Variants in HS6ST3 observed in about 807,000 individuals in gnomAD.
HS6ST3 encodes the protein heparan-sulfate 6-O-sulfotransferase 3.
A neutral mutation model predicts 36.7 loss-of-function variants in HS6ST3; 12 were observed. The observed-to-expected ratio is 0.33, with a 90% confidence interval of 0.21 to 0.53. HS6ST3 has a LOEUF of 0.53. Among genes scored for constraint, HS6ST3 ranks in the 20% least tolerant of loss-of-function variants. The pLI, the probability that HS6ST3 is intolerant of heterozygous loss-of-function variation, is 0.95. For synonymous variants in HS6ST3, 240 were observed against 257.5 expected, an observed-to-expected ratio of 0.93 and a Z score of 0.65; for missense variants, 584 against 640.9, an observed-to-expected ratio of 0.91 and a Z score of 0.96.
At chr13:96,638,766 C>T (rs2056558689) in intron 1 of HS6ST3, among the ~76,000 whole-genome samples, 1 of 151,816 alleles carries the variant, frequency 6.6e-6, no homozygotes. Context: ...AAATAAATTA[C>T]CCAGTCTTGG....
At position 96,210,928 on chromosome 13, in the gene HS6ST3, A is replaced by G. The variant is rs1264231372; in HGVS notation, c.707+119359A>G. Among the ~76,000 whole-genome samples, 4 of 144,016 alleles carry G rather than the reference A, an allele frequency of 2.8e-5. No individual in the cohort carries two copies. The South Asian group carries it at 6.7e-4, about 24-fold the overall frequency. 94.5% of individuals were successfully genotyped at this position (144,016 alleles called of 152,430 possible). A position where few individuals can be genotyped will look rare whatever the true frequency, so the allele number is the denominator to read the frequency against. Reference sequence around the variant, plus strand: ...ATCAGTTGTTATCATTTCTATGATTATTATCTTTTTTTTTTTTCTTGGAGA... The same window carrying G: ...ATCAGTTGTTATCATTTCTATGATTGTTATCTTTTTTTTTTTTCTTGGAGA... On this transcript the variant is annotated intron_variant, in intron 1 of 1. Transcript: ENST00000376705.
chr13:96,641,491 C>T (rs1374611552), intron 1 of HS6ST3, among the ~76,000 whole-genome samples: 5 of 151,752 alleles, frequency 3.3e-5, no homozygotes, highest in Non-Finnish European at 5.9e-5. Flanking sequence ...GAAACATTCA[C>T]TCCATTTATA....
intron 1 of HS6ST3, among the ~76,000 whole-genome samples, chr13:96,746,304 G>A (rs971055458): frequency 6.6e-6 from 1 of 151,988 alleles, no homozygotes; most frequent in Non-Finnish European, 1.5e-5. Context: ...TGATATATGG[G>A]AGAATTGGAT....
At chr13:96,185,471 T>A (rs963766801) in intron 1 of HS6ST3, among the ~76,000 whole-genome samples, 12 of 152,240 alleles carry the variant, frequency 7.9e-5, no homozygotes, top group Admixed American at 2.0e-4. Flanking sequence ...GCCCATTGGC[T>A]GCACACTTGT....
chr13:96,444,872 C>T (rs941489308), intron 1 of HS6ST3, among the ~76,000 whole-genome samples: 1 of 152,244 alleles, frequency 6.6e-6, no homozygotes, highest in Middle Eastern at 3.4e-3. Flanking sequence ...TGAAACAGCA[C>T]TTTTACAGCT....
chr13:96,502,974 G>T (rs1299396614), intron 1 of HS6ST3, among the ~76,000 whole-genome samples: 1 of 152,132 alleles, frequency 6.6e-6, no homozygotes, highest in East Asian at 1.9e-4. Context: ...TTCCTGATCA[G>T]GTCAATTAAC....
intron 1 of HS6ST3, among the ~76,000 whole-genome samples, chr13:96,706,295 G>A (rs1451230058): frequency 6.6e-6 from 1 of 151,424 alleles, no homozygotes. Flanking sequence ...CAAGAAGGAG[G>A]CAGTGTTGTT....
At chr13:96,234,228 G>C (rs1459085798) in intron 1 of HS6ST3, among the ~76,000 whole-genome samples, 2 of 151,722 alleles carry the variant, frequency 1.3e-5, no homozygotes, top group African/African-American at 4.8e-5. Context: ...TGGCCAACAT[G>C]GTGAAAACCT....
intron 1 of HS6ST3, among the ~76,000 whole-genome samples, chr13:96,192,706 CT>C (rs2054294100): frequency 6.6e-6 from 1 of 151,736 alleles, no homozygotes; most frequent in South Asian, 2.1e-4. Flanking sequence ...GTGAACAGTG[CT>C]GCGATGAATA....
chr13:96,655,571 T>G (rs1353567227), intron 1 of HS6ST3, among the ~76,000 whole-genome samples: 1 of 152,166 alleles, frequency 6.6e-6, no homozygotes, highest in African/African-American at 2.4e-5. Flanking sequence ...TTATAAGATT[T>G]TTTTGAAGCC....
At chr13:96,317,355 TATATATATATATAAAATTA>T (rs1566322087) in intron 1 of HS6ST3, among the ~76,000 whole-genome samples, 2,211 of 71,110 alleles carry the variant, frequency 0.031, 66 homozygotes, top group Admixed American at 0.094. Flanking sequence ...TATATATATA[TATATATATATATAAAATTA>T]TATATATATA....
chr13:96,091,655 C>G (rs2053765649), intron 1 of HS6ST3, 86 bp downstream of exon 1: 2 of 1,447,102 alleles, frequency 1.4e-6, no homozygotes, highest in South Asian at 1.4e-5. Context: ...CCCGCGCTCC[C>G]TGCCCCTGCC....
In HS6ST3 at chr13:96,091,335, G is replaced by A. The variant is rs1196287234; in HGVS notation, c.473G>A (p.Gly158Asp). 1.9e-6 allele frequency: 3 copies of A among 1,614,080 alleles called. No homozygotes were observed. The highest frequency in any genetic ancestry group is 2.5e-6 in the Non-Finnish European group (3 of 1,180,014). ...IVFLHIQKTGGTTFGRHLVKN... is the reference protein window; with the variant it reads ...IVFLHIQKTGDTTFGRHLVKN... ...TTCCTCCACATCCAGAAGACGGGGGGCACCACTTTCGGCCGGCACCTGGTG... is the reference window on the plus strand; with the variant it reads ...TTCCTCCACATCCAGAAGACGGGGGACACCACTTTCGGCCGGCACCTGGTG... Residue 158 changes from glycine (G) to aspartate (D), a missense_variant, in exon 1 of 2, where the codon GGC becomes GAC. Around this residue, in one of 3 missense-constraint regions of HS6ST3, gnomAD observed 360 missense variants for 411.3 expected, o/e 0.88. Coordinates refer to ENST00000376705, the MANE Select transcript of HS6ST3 (RefSeq NM_153456.4).
chr13:96,769,574 C>A (rs1877206691), intron 1 of HS6ST3, among the ~76,000 whole-genome samples: 1 of 151,018 alleles, frequency 6.6e-6, no homozygotes, highest in South Asian at 2.1e-4. Context: ...CCATTTAAAA[C>A]CTCTAATCAA....
At chr13:96,280,226 C>T (rs532281595) in intron 1 of HS6ST3, among the ~76,000 whole-genome samples, 125 of 152,154 alleles carry the variant, frequency 8.2e-4, no homozygotes, top group African/African-American at 2.8e-3. Flanking sequence ...TTAATAGCTG[C>T]GATGAAATAT....
intron 1 of HS6ST3, among the ~76,000 whole-genome samples, chr13:96,361,464 T>C (rs1471814615): frequency 6.6e-6 from 1 of 152,248 alleles, no homozygotes; most frequent in East Asian, 1.9e-4. Context: ...CATCTTCTCA[T>C]GTCTCAGTTT....
chr13:96,607,133 T>C (rs1175686851), intron 1 of HS6ST3, among the ~76,000 whole-genome samples: 1 of 152,164 alleles, frequency 6.6e-6, no homozygotes, highest in East Asian at 1.9e-4. Context: ...GACTTAGAAT[T>C]GTGAACATCA....
rs180812019 is a variant in HS6ST3, at chr13:96,838,572, C to T, written c.*5374C>T. On this transcript the variant is annotated 3_prime_UTR_variant, in exon 2 of 2. Transcript: ENST00000376705. The stretch of plus-strand genomic sequence containing the variant: ...CATTTTGTGCCATCTGAGGAGCATG[C>T]GAGGGTTCTTTCTCCAAGGCACTTT... The T allele has an allele frequency of 4.8e-3, 735 of 152,538 alleles. 20 individuals carry two copies. The highest frequency in any genetic ancestry group is 0.037 in the South Asian group (181 of 4,830). 9.4% of individuals were successfully genotyped at this position (152,538 alleles called of 1,614,324 possible). A position where few individuals can be genotyped will look rare whatever the true frequency, so the allele number is the denominator to read the frequency against.
At chr13:96,733,392 A>T (rs1462202367) in intron 1 of HS6ST3, among the ~76,000 whole-genome samples, 1 of 152,186 alleles carries the variant, frequency 6.6e-6, no homozygotes, top group Non-Finnish European at 1.5e-5. Flanking sequence ...AAATGATTAT[A>T]TAAGTTTTGT....
Sources: allele counts gnomAD v4.1 joint callset (sites outside exome capture counted in the v4.1 genomes callset), GRCh38; gene constraint gnomAD v4.1.1; regional missense constraint gnomAD v4.1.1; transcripts MANE v1.5; gene names NCBI Gene and HGNC (gene_info 2026-07-23, HGNC 2026-07-21).